FRMD4B: variants seen among roughly 807,000 people sequenced by gnomAD.
The protein encoded by FRMD4B is FERM domain containing 4B, also known as FERM domain-containing protein 4B.
FRMD4B carries 74 observed loss-of-function variants against 141.5 expected under a neutral mutation model. The observed-to-expected ratio is 0.52, with a 90% CI of 0.43 to 0.63. The LOEUF (loss-of-function observed/expected upper bound fraction) is 0.63. Among genes scored for constraint, FRMD4B ranks in the 30% least tolerant of loss-of-function variants. The probability of loss-of-function intolerance (pLI) is 0.00; values close to 1 mark genes in which losing one functional copy is unlikely to be tolerated. For synonymous variants in FRMD4B, 506 were observed against 467.9 expected (o/e 1.08, Z -1.05); for missense variants, 1,366 against 1,253.4 (o/e 1.09, Z -1.36).
chr3:69,397,651 T>C (rs1704494436), intron 2 of FRMD4B, among the ~76,000 whole-genome samples: 1 of 152,170 alleles, frequency 6.6e-6, no homozygotes. Context: ...TTATATGAAA[T>C]GTCTAGATTA....
intron 1 of FRMD4B, among the ~76,000 whole-genome samples, chr3:69,499,968 T>C (rs1013677892): frequency 2.0e-5 from 3 of 152,244 alleles, no homozygotes; most frequent in Non-Finnish European, 4.4e-5. Flanking sequence ...AGACTCTGTG[T>C]ACATGCACTG....
At chr3:69,320,804 T>A (rs1701969618) in intron 1 of FRMD4B, 1 of 152,210 alleles carries the variant, frequency 6.6e-6, no homozygotes, top group Non-Finnish European at 1.5e-5. Flanking sequence ...TACTCTGACT[T>A]GATCCCCTTC....
chr3:69,251,024 T>A (rs533202476), intron 5 of FRMD4B, among the ~76,000 whole-genome samples: 1 of 152,318 alleles, frequency 6.6e-6, no homozygotes, highest in African/African-American at 2.4e-5. Flanking sequence ...ACCTTTATAT[T>A]TTTTAAATTG....
intron 1 of FRMD4B, among the ~76,000 whole-genome samples, chr3:69,442,084 C>T (rs1464014359): frequency 6.6e-6 from 1 of 151,884 alleles, no homozygotes; most frequent in African/African-American, 2.4e-5. Context: ...GAATGATTCA[C>T]CAAAGAAGTT....
rs1559519816 is a variant in FRMD4B at position 69,410,731 on chromosome 3, ATATATAT to A, written c.-1+21896_-1+21902del. Among the ~76,000 whole-genome samples the A allele has an allele frequency of 4.2e-3, 343 of 81,456 alleles. 5 individuals carry two copies. The highest frequency in any genetic ancestry group is 0.013 in the African/African-American group (284 of 22,670). The allele number at this position is 81,456 out of a possible 152,430, so 53.4% of individuals were successfully genotyped here. ...TATAAATAAATAAATAAATAAATATATATATATATATATATATATATATATATATATA... is the reference window on the plus strand; with the variant it reads ...TATAAATAAATAAATAAATAAATATAATATATATATATATATATATATATA... On this transcript the variant is annotated intron_variant, in intron 2 of 5. Coordinates refer to the FRMD4B transcript ENST00000459638.
rs183174248 is a variant in FRMD4B at position 69,448,624 on chromosome 3, T to A, written c.-128-15863A>T. ...TTTGCACTTCCTAGATGACTAATAA[T>A]GTTGAGCATCATTTTCGGGGGCTTA... On this transcript the variant is annotated intron_variant, in intron 1 of 5. Coordinates refer to the FRMD4B transcript ENST00000459638. 2.0e-5 allele frequency among the ~76,000 whole-genome samples: 3 copies of A among 152,356 alleles called. No individual in the cohort carries two copies. The East Asian group carries it at 5.8e-4, about 29-fold the overall frequency.
intron 1 of FRMD4B, among the ~76,000 whole-genome samples, chr3:69,363,089 G>T (rs1043958944): frequency 6.6e-6 from 1 of 151,918 alleles, no homozygotes; most frequent in Non-Finnish European, 1.5e-5. Flanking sequence ...GGTTGGTGAG[G>T]TCAACAGATT....
At chr3:69,481,600 T>C (rs948583919) in intron 1 of FRMD4B, among the ~76,000 whole-genome samples, 4 of 152,144 alleles carry the variant, frequency 2.6e-5, no homozygotes, top group African/African-American at 9.7e-5. Flanking sequence ...GGGGCTCAAA[T>C]GCAGCCAAGA....
At chr3:69,439,050 CGTGT>C (rs1175226302) in intron 1 of FRMD4B, among the ~76,000 whole-genome samples, 14 of 72,328 alleles carry the variant, frequency 1.9e-4, no homozygotes, top group South Asian at 6.2e-4. Flanking sequence ...AGTTCGTGTG[CGTGT>C]GTGTGTATGT....
intron 11 of FRMD4B, among the ~76,000 whole-genome samples, chr3:69,215,396 A>G (rs1258167107): frequency 6.8e-6 from 1 of 146,240 alleles, no homozygotes; most frequent in Non-Finnish European, 1.5e-5. Context: ...AGATTCAAGC[A>G]ATGCTCGTGC....
chr3:69,313,310 T>C lies in FRMD4B; in HGVS notation c.228+142A>G, dbSNP rs199519131. On this transcript the variant is annotated intron_variant, in intron 2 of 22. Transcript: ENST00000398540. ...TTTCCCCTTGATCAATTCTGAGTCA[T>C]TGGCTTTGAGGCAAAGATAACAGAG... 10 of 712,442 alleles carry C rather than the reference T, an allele frequency of 1.4e-5. No homozygotes were observed. In the East Asian group the frequency reaches 1.9e-4, roughly 13 times the overall value. 44.1% of individuals were successfully genotyped at this position (712,442 alleles called of 1,614,324 possible). A position where few individuals can be genotyped will look rare whatever the true frequency, so the allele number is the denominator to read the frequency against.
intron 7 of FRMD4B, among the ~76,000 whole-genome samples, chr3:69,247,042 C>T (rs759020038): frequency 1.3e-5 from 2 of 152,116 alleles, no homozygotes; most frequent in African/African-American, 4.8e-5. Context: ...TTCAGACCAA[C>T]CTTAGTCTCA....
chr3:69,537,238 C>T (rs1701101322), intron 1 of FRMD4B, among the ~76,000 whole-genome samples: 1 of 152,150 alleles, frequency 6.6e-6, no homozygotes, highest in Non-Finnish European at 1.5e-5. Flanking sequence ...TGTGAGTGAA[C>T]ATTGTCCTCA....
chr3:69,483,784 G>C (rs1019081640), intron 1 of FRMD4B, among the ~76,000 whole-genome samples: 33 of 152,144 alleles, frequency 2.2e-4, no homozygotes, highest in African/African-American at 7.7e-4. Context: ...AAATAAAATG[G>C]AAGACTTAAT....
intron 5 of FRMD4B, among the ~76,000 whole-genome samples, chr3:69,280,054 G>A (rs1321007895): frequency 1.3e-5 from 2 of 152,100 alleles, no homozygotes; most frequent in Non-Finnish European, 2.9e-5. Flanking sequence ...CACAGATATG[G>A]TCAAGGGCAC....
chr3:69,426,150 A>G lies in FRMD4B; in HGVS notation c.-1+6484T>C, dbSNP rs527557165. 6.6e-5 allele frequency among the ~76,000 whole-genome samples: 10 copies of G among 152,380 alleles called. No individual in the cohort carries two copies. In the East Asian group the frequency reaches 1.5e-3, roughly 24 times the overall value. On this transcript the variant is annotated intron_variant, in intron 2 of 5. Transcript: ENST00000459638. ...CAATAGGAATCCAAAGTTAAACAAC[A>G]GAATGGGCTAAGTGTGGAGCTTCTG...
At chr3:69,211,317 T>C (rs72932134) in intron 11 of FRMD4B, among the ~76,000 whole-genome samples, 17,952 of 152,096 alleles carry the variant, frequency 0.12, 1,211 homozygotes, top group East Asian at 0.34. Flanking sequence ...GCACAGTAAA[T>C]AGACACCAGG....
intron 1 of FRMD4B, among the ~76,000 whole-genome samples, chr3:69,452,182 C>G (rs182332632): frequency 6.6e-6 from 1 of 152,350 alleles, no homozygotes; most frequent in East Asian, 1.9e-4. Flanking sequence ...ACTAGGGATG[C>G]AACAGTGATC....
intron 7 of FRMD4B, among the ~76,000 whole-genome samples, chr3:69,241,953 G>T (rs1041549933): frequency 6.6e-6 from 1 of 152,096 alleles, no homozygotes; most frequent in Non-Finnish European, 1.5e-5. Flanking sequence ...AATGCATGTG[G>T]TTTGGAGCCC....
Sources: allele counts gnomAD v4.1 joint callset (sites outside exome capture counted in the v4.1 genomes callset), GRCh38; gene constraint gnomAD v4.1.1; transcripts MANE v1.5; gene names NCBI Gene and HGNC (gene_info 2026-07-23, HGNC 2026-07-21).